Variants in MALRD1 observed in about 807,000 individuals in gnomAD.
The protein encoded by MALRD1 is MAM and LDL receptor class A domain containing 1.
Under a neutral mutation model 242.1 loss-of-function variants are expected in MALRD1, and 247 were observed. The ratio of observed to expected loss-of-function variants is 1.02; its 90% CI spans 0.92 to 1.13. The LOEUF is 1.13. MALRD1 is among the 50% of genes most tolerant of loss of function. The pLI, the probability that MALRD1 is intolerant of heterozygous loss-of-function variation, is 0.00. For synonymous variants in MALRD1, 995 were observed against 866.6 expected, an observed-to-expected ratio of 1.15 and a Z score of -2.60; for missense variants, 2,989 against 2,533.1, an observed-to-expected ratio of 1.18 and a Z score of -3.86.
At position 19,408,167 on chromosome 10, in the gene MALRD1, A is replaced by G. The variant is rs1833117403; in HGVS notation, c.4845+18558A>G. Among the ~76,000 whole-genome samples, 4 of 152,280 alleles carry G rather than the reference A, an allele frequency of 2.6e-5. No individual in the cohort carries two copies. The South Asian group carries it at 8.3e-4, about 32-fold the overall frequency. ...AAGGGAAAGGAAGAGAAGTTGGTCA[A>G]CAGGCAGCAGGTGCTTGAATGAAGG... On this transcript the variant is annotated intron_variant, in intron 28 of 39. Coordinates refer to ENST00000454679, the MANE Select transcript of MALRD1 (RefSeq NM_001142308.3).
chr10:19,405,812 TAAC>T (rs1847072026), intron 28 of MALRD1, among the ~76,000 whole-genome samples: 1 of 152,154 alleles, frequency 6.6e-6, no homozygotes, highest in Non-Finnish European at 1.5e-5. Flanking sequence ...CATTTTCAGA[TAAC>T]ACCACTCACT....
chr10:19,634,530 A>T (rs1467697356), intron 36 of MALRD1, among the ~76,000 whole-genome samples: 1 of 152,132 alleles, frequency 6.6e-6, no homozygotes, highest in East Asian at 1.9e-4. Flanking sequence ...GGAAGACAAA[A>T]TGGATTTCTA....
chr10:19,155,210 G>A (rs772611655), intron 12 of MALRD1, 38 bp downstream of exon 12: 14 of 1,149,686 alleles, frequency 1.2e-5, no homozygotes, highest in East Asian at 6.4e-5. Context: ...GCCATTCTGC[G>A]GTTGTAAATC....
intron 1 of MALRD1, among the ~76,000 whole-genome samples, chr10:19,057,302 A>G (rs1834697288): frequency 6.6e-6 from 1 of 152,136 alleles, no homozygotes; most frequent in Non-Finnish European, 1.5e-5. Context: ...GGCACCATCA[A>G]GGTGCCAGCA....
intron 32 of MALRD1, among the ~76,000 whole-genome samples, chr10:19,556,128 G>T (rs1273778731): frequency 6.6e-6 from 1 of 151,964 alleles, no homozygotes. Flanking sequence ...TTTATTATTG[G>T]AGCAGTTTTA....
chr10:19,500,207 C>A (rs1216047263), intron 31 of MALRD1, among the ~76,000 whole-genome samples: 1 of 152,164 alleles, frequency 6.6e-6, no homozygotes, highest in Non-Finnish European at 1.5e-5. Flanking sequence ...GTAGAATTAA[C>A]CTTTAAATTG....
intron 29 of MALRD1, among the ~76,000 whole-genome samples, chr10:19,483,040 AC>A (rs746539561): frequency 1.3e-5 from 2 of 152,110 alleles, no homozygotes; most frequent in Non-Finnish European, 2.9e-5. Flanking sequence ...ATGACTTCAA[AC>A]TGTATTATAA....
intron 31 of MALRD1, among the ~76,000 whole-genome samples, chr10:19,507,213 G>A (rs1014189727): frequency 2.0e-5 from 3 of 151,978 alleles, no homozygotes; most frequent in Admixed American, 6.6e-5. Context: ...CTCCAGCAAC[G>A]GGGATTTCAG....
At chr10:19,383,509 A>G (rs1199601058) in intron 26 of MALRD1, among the ~76,000 whole-genome samples, 3 of 152,048 alleles carry the variant, frequency 2.0e-5, no homozygotes, top group South Asian at 2.1e-4. Context: ...TGTGATGATC[A>G]TGAATGTGTA....
chr10:19,324,130 C>G, intron 22 of MALRD1, 25 bp downstream of exon 22: 6 of 1,541,608 alleles, frequency 3.9e-6, no homozygotes, highest in Non-Finnish European at 5.3e-6. Context: ...ATCACATTTT[C>G]TGAATTTTCT....
At chr10:19,096,047 C>A (rs1564388029) in intron 4 of MALRD1, among the ~76,000 whole-genome samples, 2 of 152,184 alleles carry the variant, frequency 1.3e-5, no homozygotes, top group Non-Finnish European at 2.9e-5. Flanking sequence ...TCTTAAATTA[C>A]TTTTGCCAAG....
At chr10:19,317,160 A>G (rs1205455110) in intron 21 of MALRD1, among the ~76,000 whole-genome samples, 1 of 151,832 alleles carries the variant, frequency 6.6e-6, no homozygotes, top group Non-Finnish European at 1.5e-5. Context: ...TGGGTTGCTT[A>G]TAAACAACAA....
At chr10:19,540,483 T>C (rs1246941750) in intron 32 of MALRD1, among the ~76,000 whole-genome samples, 1 of 152,174 alleles carries the variant, frequency 6.6e-6, no homozygotes, top group Non-Finnish European at 1.5e-5. Flanking sequence ...CAATGAAATA[T>C]GGTGCATAAA....
chr10:19,457,930 A>G (rs1835744487), intron 29 of MALRD1, among the ~76,000 whole-genome samples: 1 of 151,950 alleles, frequency 6.6e-6, no homozygotes, highest in Non-Finnish European at 1.5e-5. Context: ...TGGATTCAAA[A>G]TCTTTTCAGT....
At chr10:19,434,998 C>G (rs1834292728) in intron 28 of MALRD1, among the ~76,000 whole-genome samples, 2 of 151,584 alleles carry the variant, frequency 1.3e-5, no homozygotes, top group South Asian at 4.1e-4. Flanking sequence ...GAAAGCTATG[C>G]TCTATTATAT....
chr10:19,568,177 C>T (rs1247400132), intron 33 of MALRD1, among the ~76,000 whole-genome samples: 2 of 152,156 alleles, frequency 1.3e-5, no homozygotes, highest in East Asian at 1.9e-4. Context: ...ATTCTAAACA[C>T]CTTTTCTAAA....
chr10:19,096,368 A>C (rs994443982), intron 4 of MALRD1, among the ~76,000 whole-genome samples: 1 of 152,202 alleles, frequency 6.6e-6, no homozygotes, highest in Admixed American at 6.5e-5. Context: ...GCTTCAACTA[A>C]AGCAGATACG....
intron 8 of MALRD1, among the ~76,000 whole-genome samples, chr10:19,128,877 T>G (rs1161008205): frequency 6.6e-6 from 1 of 152,158 alleles, no homozygotes; most frequent in Non-Finnish European, 1.5e-5. Context: ...TCTCTCCTTG[T>G]CCAATATGCT....
chr10:19,215,720 A>G (rs1837281593), intron 18 of MALRD1, among the ~76,000 whole-genome samples: 1 of 115,596 alleles, frequency 8.7e-6, no homozygotes, highest in Non-Finnish European at 1.9e-5. Context: ...TGCTATAATA[A>G]ATTAGTATAA....
Sources: allele counts gnomAD v4.1 joint callset (sites outside exome capture counted in the v4.1 genomes callset), GRCh38; gene constraint gnomAD v4.1.1; transcripts MANE v1.5; gene names NCBI Gene and HGNC (gene_info 2026-07-23, HGNC 2026-07-21).